The following AGBL4 variants were observed in gnomAD, a reference collection of about 807,000 sequenced individuals.
AGBL4 encodes AGBL carboxypeptidase 4.
AGBL4 carries 58 observed loss-of-function variants against 66.4 expected under a neutral mutation model. The ratio of observed to expected loss-of-function variants is 0.87; its 90% CI spans 0.71 to 1.09. The LOEUF (loss-of-function observed/expected upper bound fraction) is 1.09. Among genes scored for constraint, AGBL4 ranks in the 50% least tolerant of loss-of-function variants. The pLI, the probability that AGBL4 is intolerant of heterozygous loss-of-function variation, is 0.00. For missense variants in AGBL4, 579 were observed against 631.0 expected, an observed-to-expected ratio of 0.92 and a Z score of 0.88; for synonymous variants, 234 against 222.9, an observed-to-expected ratio of 1.05 and a Z score of -0.44.
At chr1:49,944,720 T>C (rs1655060807) in intron 1 of AGBL4, among the ~76,000 whole-genome samples, 1 of 152,002 alleles carries the variant, frequency 6.6e-6, no homozygotes, top group African/African-American at 2.4e-5. Flanking sequence ...ATCCCTGATT[T>C]ACCTGAATAA....
chr1:49,434,644 G>C (rs957915433), intron 3 of AGBL4, among the ~76,000 whole-genome samples: 10 of 151,818 alleles, frequency 6.6e-5, no homozygotes, highest in African/African-American at 1.2e-4. Context: ...CCAGCAAATT[G>C]CTATCTGTTC....
At chr1:49,829,839 C>T (rs1010420628) in intron 2 of AGBL4, among the ~76,000 whole-genome samples, 1 of 152,146 alleles carries the variant, frequency 6.6e-6, no homozygotes, top group African/African-American at 2.4e-5. Context: ...CATTGTTCAA[C>T]TCCCACTAAT....
At chr1:49,246,468 C>A (rs1651648963) in intron 3 of AGBL4, among the ~76,000 whole-genome samples, 1 of 151,874 alleles carries the variant, frequency 6.6e-6, no homozygotes. Flanking sequence ...CTCTTTCGTA[C>A]CCTCTTTGTT....
At chr1:49,793,596 C>A (rs1269883901) in intron 2 of AGBL4, among the ~76,000 whole-genome samples, 3 of 151,860 alleles carry the variant, frequency 2.0e-5, no homozygotes, top group African/African-American at 7.2e-5. Flanking sequence ...TAGGTCTCAA[C>A]ATAATGATGG....
At chr1:48,676,493 GA>G (rs1403905029) in intron 6 of AGBL4, among the ~76,000 whole-genome samples, 1 of 152,262 alleles carries the variant, frequency 6.6e-6, no homozygotes, top group Admixed American at 6.5e-5. Context: ...TGTCTCACAG[GA>G]ACGCCCTCAG....
intron 2 of AGBL4, among the ~76,000 whole-genome samples, chr1:49,850,054 G>A (rs1315749297): frequency 6.6e-6 from 1 of 152,132 alleles, no homozygotes; most frequent in Admixed American, 6.6e-5. Context: ...AGGTCTGGTT[G>A]GAAGTACAAT....
chr1:49,724,938 T>C (rs149755923), intron 2 of AGBL4, among the ~76,000 whole-genome samples: 20 of 151,402 alleles, frequency 1.3e-4, no homozygotes, highest in African/African-American at 3.9e-4. Context: ...ATGCAGTCCA[T>C]GGTATTTTGT....
intron 3 of AGBL4, among the ~76,000 whole-genome samples, chr1:49,282,713 C>T (rs546350494): frequency 9.3e-4 from 141 of 152,298 alleles, no homozygotes; most frequent in African/African-American, 1.3e-3. Context: ...ACTTGGGAAG[C>T]GCAAGGGGTC....
At chr1:49,135,162 T>C (rs1645985018) in intron 4 of AGBL4, among the ~76,000 whole-genome samples, 1 of 152,056 alleles carries the variant, frequency 6.6e-6, no homozygotes, top group Non-Finnish European at 1.5e-5. Flanking sequence ...CCTAATGGTA[T>C]AGATATAGGT....
At chr1:48,816,473 T>A (rs17104927) in intron 6 of AGBL4, among the ~76,000 whole-genome samples, 1 of 152,076 alleles carries the variant, frequency 6.6e-6, no homozygotes, top group Non-Finnish European at 1.5e-5. Flanking sequence ...GGAATAGGTA[T>A]ATGTTGAATG....
At chr1:49,267,641 C>T (rs1335988182) in intron 3 of AGBL4, among the ~76,000 whole-genome samples, 1 of 151,912 alleles carries the variant, frequency 6.6e-6, no homozygotes, top group Non-Finnish European at 1.5e-5. Flanking sequence ...GATCACACCA[C>T]TGCACTTCAG....
intron 6 of AGBL4, among the ~76,000 whole-genome samples, chr1:48,678,897 C>G (rs1646410817): frequency 6.6e-6 from 1 of 152,212 alleles, no homozygotes; most frequent in Non-Finnish European, 1.5e-5. Flanking sequence ...TATTAACACA[C>G]ATTTCCTACC....
intron 6 of AGBL4, among the ~76,000 whole-genome samples, chr1:48,773,067 G>T (rs1014076409): frequency 2.0e-5 from 3 of 152,138 alleles, no homozygotes; most frequent in Non-Finnish European, 4.4e-5. Flanking sequence ...TACCTGAGAT[G>T]CATAGGTGCA....
At chr1:48,690,141 T>C (rs1245490659) in intron 6 of AGBL4, among the ~76,000 whole-genome samples, 4 of 152,232 alleles carry the variant, frequency 2.6e-5, no homozygotes, top group African/African-American at 9.6e-5. Context: ...GAGTGTTTGC[T>C]AAATGAGTGA....
At chr1:48,690,203 C>A (rs1474747257) in intron 6 of AGBL4, among the ~76,000 whole-genome samples, 1 of 152,204 alleles carries the variant, frequency 6.6e-6, no homozygotes, top group Non-Finnish European at 1.5e-5. Context: ...CAGGCCCCAG[C>A]CTTGAAGACT....
At position 48,826,057 on chromosome 1, in the gene AGBL4, C is replaced by T. The variant is rs78021554; in HGVS notation, c.634+41134G>A. Among the ~76,000 whole-genome samples the T allele has an allele frequency of 7.2e-3, 1,093 of 152,238 alleles. 20 individuals carry two copies. The highest frequency in any genetic ancestry group is 0.024 in the African/African-American group (1,006 of 41,532). On this transcript the variant is annotated intron_variant, in intron 6 of 13. Coordinates refer to ENST00000371839, the MANE Select transcript of AGBL4 (RefSeq NM_032785.4). Reference sequence around the variant, plus strand: ...AGTGACAGGGACTTTCTCTTATAAACGATCCCTTTATTGCATTTAAGCCCC... The same window carrying T: ...AGTGACAGGGACTTTCTCTTATAAATGATCCCTTTATTGCATTTAAGCCCC...
intron 2 of AGBL4, among the ~76,000 whole-genome samples, chr1:49,725,273 A>G (rs1648928212): frequency 6.6e-6 from 1 of 152,192 alleles, no homozygotes; most frequent in South Asian, 2.1e-4. Flanking sequence ...GAGCACTGTA[A>G]GCTTAGCAAG....
chr1:49,571,822 T>A (rs1213219952), intron 3 of AGBL4, among the ~76,000 whole-genome samples: 1 of 152,190 alleles, frequency 6.6e-6, no homozygotes, highest in Non-Finnish European at 1.5e-5. Flanking sequence ...TCTATTGAGA[T>A]GATAGTAGAG....
At chr1:49,428,281 T>G (rs1003834403) in intron 3 of AGBL4, among the ~76,000 whole-genome samples, 1 of 152,212 alleles carries the variant, frequency 6.6e-6, no homozygotes, top group African/African-American at 2.4e-5. Context: ...TTCTTTCTAG[T>G]TCCACAGATT....
Sources: allele counts gnomAD v4.1 joint callset (sites outside exome capture counted in the v4.1 genomes callset), GRCh38; gene constraint gnomAD v4.1.1; transcripts MANE v1.5; gene names NCBI Gene and HGNC (gene_info 2026-07-23, HGNC 2026-07-21).